Variants in ARHGAP10 observed in about 807,000 individuals in gnomAD.
The protein encoded by ARHGAP10 is rho GTPase-activating protein 10.
ARHGAP10 carries 87 observed loss-of-function variants against 108.6 expected under a neutral mutation model. The ratio of observed to expected loss-of-function variants is 0.80; its 90% CI spans 0.67 to 0.96. ARHGAP10 has a LOEUF of 0.96. Among genes scored for constraint, ARHGAP10 ranks in the 40% least tolerant of loss-of-function variants. The pLI is 0.00. For synonymous variants in ARHGAP10, 347 were observed against 341.1 expected, an observed-to-expected ratio of 1.02 and a Z score of -0.19; for missense variants, 939 against 954.5, an observed-to-expected ratio of 0.98 and a Z score of 0.21.
chr4:147,759,965 A>T (rs748883917), intron 1 of ARHGAP10, among the ~76,000 whole-genome samples: 1 of 152,042 alleles, frequency 6.6e-6, no homozygotes, highest in African/African-American at 2.4e-5. Context: ...GGCCAGGCTG[A>T]TCTCAGACTC....
At chr4:147,942,342 A>G (rs891831008) in intron 14 of ARHGAP10, among the ~76,000 whole-genome samples, 1 of 152,274 alleles carries the variant, frequency 6.6e-6, no homozygotes, top group East Asian at 1.9e-4. Context: ...GTAGTTCTTG[A>G]GAGCTAATTA....
intron 10 of ARHGAP10, among the ~76,000 whole-genome samples, chr4:147,882,322 G>A (rs1458164731): frequency 1.3e-5 from 2 of 152,092 alleles, no homozygotes; most frequent in African/African-American, 4.8e-5. Context: ...AATTAGCCAG[G>A]CGTGGTGGCA....
chr4:147,910,777 T>A (rs1052415702), intron 12 of ARHGAP10, among the ~76,000 whole-genome samples: 2 of 152,174 alleles, frequency 1.3e-5, no homozygotes, highest in African/African-American at 4.8e-5. Context: ...TTATCAAATG[T>A]CCACAGTTTG....
chr4:148,023,334 A>G lies in ARHGAP10; in HGVS notation c.1788A>G (p.Pro596=). 1 of 1,614,178 alleles carries G rather than the reference A, an allele frequency of 6.2e-7. No individual in the cohort carries two copies. The highest frequency in any genetic ancestry group is 8.5e-7 in the Non-Finnish European group (1 of 1,180,024). Residue 596 remains proline (P), a synonymous_variant, in exon 19 of 23, where the codon CCA becomes CCG. Coordinates refer to ENST00000336498, the MANE Select transcript of ARHGAP10 (RefSeq NM_024605.4). The stretch of plus-strand genomic sequence containing the variant: ...TGTCAGCATCACCCCCAAATGCGCC[A>G]CCAAGGCAGTCGAAGAGACAAGGCC... ...TCLSASPPNA[P]PRQSKRQGQR... is the part of the protein sequence containing the mutation.
chr4:147,815,773 G>T (rs981420831), intron 1 of ARHGAP10, among the ~76,000 whole-genome samples: 5 of 152,150 alleles, frequency 3.3e-5, no homozygotes, highest in Non-Finnish European at 7.4e-5. Context: ...GGTTGAGGTG[G>T]GAGTTTCTCA....
At chr4:147,809,591 C>T (rs538912593) in intron 1 of ARHGAP10, among the ~76,000 whole-genome samples, 3 of 152,280 alleles carry the variant, frequency 2.0e-5, no homozygotes, top group Non-Finnish European at 2.9e-5. Context: ...ACTGGTGACA[C>T]GGGTTTGTGA....
chr4:147,854,392 G>A (rs1734006141), intron 4 of ARHGAP10, among the ~76,000 whole-genome samples: 1 of 152,092 alleles, frequency 6.6e-6, no homozygotes. Flanking sequence ...AGTAGACGAG[G>A]ACTATCTGGT....
intron 1 of ARHGAP10, among the ~76,000 whole-genome samples, chr4:147,822,200 T>C (rs1732529248): frequency 6.6e-6 from 1 of 152,260 alleles, no homozygotes; most frequent in Non-Finnish European, 1.5e-5. Context: ...TCTCTGATGC[T>C]GTTTTCTATG....
At chr4:147,832,586 A>G (rs1485520879) in intron 3 of ARHGAP10, among the ~76,000 whole-genome samples, 1 of 134,704 alleles carries the variant, frequency 7.4e-6, no homozygotes, top group Non-Finnish European at 1.5e-5. Flanking sequence ...GGCGGAGGTT[A>G]CAATGAGCTG....
intron 3 of ARHGAP10, among the ~76,000 whole-genome samples, chr4:147,833,554 G>A (rs1733039405): frequency 6.6e-6 from 1 of 152,192 alleles, no homozygotes. Flanking sequence ...AGATTTTGAT[G>A]ACTGAGATGA....
intron 18 of ARHGAP10, among the ~76,000 whole-genome samples, chr4:147,976,961 C>T (rs774289726): frequency 4.6e-5 from 7 of 152,148 alleles, no homozygotes; most frequent in Non-Finnish European, 1.0e-4. Context: ...TTTTGATTCA[C>T]TAGAAAGAAG....
chr4:148,024,741 CTT>C (rs1381525643), intron 19 of ARHGAP10, among the ~76,000 whole-genome samples: 1 of 152,194 alleles, frequency 6.6e-6, no homozygotes, highest in Non-Finnish European at 1.5e-5. Context: ...TATTCTGTCT[CTT>C]TCTTACGTTC....
At chr4:148,004,016 G>T (rs1181852527) in intron 18 of ARHGAP10, among the ~76,000 whole-genome samples, 2 of 141,750 alleles carry the variant, frequency 1.4e-5, no homozygotes, top group South Asian at 2.1e-4. Flanking sequence ...GCTGGCGGGG[G>T]TGTGAACTGG....
chr4:147,887,145 C>T (rs914211418), intron 10 of ARHGAP10, among the ~76,000 whole-genome samples: 14 of 152,128 alleles, frequency 9.2e-5, no homozygotes, highest in African/African-American at 2.9e-4. Context: ...GCCTTCCTTT[C>T]CTGATGACTT....
rs762316137 is a variant in ARHGAP10 at position 147,910,675 on chromosome 4, A to AT, written c.1162+909dup. Among the ~76,000 whole-genome samples, 782 of 149,050 alleles carry AT rather than the reference A, an allele frequency of 5.2e-3. 3 individuals are homozygous for AT. The highest frequency in any genetic ancestry group is 0.01 in the Middle Eastern group (3 of 288). On this transcript the variant is annotated intron_variant, in intron 12 of 22. Transcript: ENST00000336498. ...AAACATGCCCAGCTCTGTACCCTTGATTTTTTTTTTTAACTTACATAAAAA... is the reference window on the plus strand; with the variant it reads ...AAACATGCCCAGCTCTGTACCCTTGATTTTTTTTTTTTAACTTACATAAAAA...
At position 148,015,442 on chromosome 4, in the gene ARHGAP10, A is replaced by G. The variant is rs115988078; in HGVS notation, c.1717-7821A>G. Among the ~76,000 whole-genome samples, 467 of 152,304 alleles carry G rather than the reference A, an allele frequency of 3.1e-3. 1 individual carries two copies. The highest frequency in any genetic ancestry group is 0.011 in the African/African-American group (446 of 41,566). Reference sequence around the variant, plus strand: ...GCTTGGCCTAAGGGATAACTAGGATACTTTCCAGCTCCAAGATTCTGAGTT... The same window carrying G: ...GCTTGGCCTAAGGGATAACTAGGATGCTTTCCAGCTCCAAGATTCTGAGTT... On this transcript the variant is annotated intron_variant, in intron 18 of 22. Transcript: ENST00000336498.
At chr4:148,070,984 A>G (rs1396490925) in intron 22 of ARHGAP10, among the ~76,000 whole-genome samples, 1 of 152,192 alleles carries the variant, frequency 6.6e-6, no homozygotes, top group Non-Finnish European at 1.5e-5. Context: ...TCACGTGAAT[A>G]TTTATGAACA....
intron 1 of ARHGAP10, among the ~76,000 whole-genome samples, chr4:147,806,053 C>T (rs1731770586): frequency 6.6e-6 from 1 of 152,086 alleles, no homozygotes; most frequent in African/African-American, 2.4e-5. Flanking sequence ...AAAATCCATA[C>T]TTTAAGCCTT....
chr4:147,797,893 CTCA>C (rs952471306), intron 1 of ARHGAP10, among the ~76,000 whole-genome samples: 9 of 152,144 alleles, frequency 5.9e-5, no homozygotes, highest in Admixed American at 2.0e-4. Flanking sequence ...TCTCATCTAG[CTCA>C]TCCCACCCCA....
Sources: allele counts gnomAD v4.1 joint callset (sites outside exome capture counted in the v4.1 genomes callset), GRCh38; gene constraint gnomAD v4.1.1; transcripts MANE v1.5; gene names NCBI Gene and HGNC (gene_info 2026-07-23, HGNC 2026-07-21).